The following CUX1 variants were observed in gnomAD, a reference collection of about 807,000 sequenced individuals.
CUX1 encodes the protein cut like homeobox 1.
CUX1 carries 31 observed loss-of-function variants against 158.8 expected under a neutral mutation model. The ratio of observed to expected loss-of-function variants is 0.20; its 90% confidence interval spans 0.15 to 0.26. The LOEUF is 0.26. CUX1 is among the 10% of genes least tolerant of loss of function. CUX1 has a pLI of 1.00. For synonymous variants in CUX1, 879 were observed against 862.1 expected, an observed-to-expected ratio of 1.02 and a Z score of -0.34; for missense variants, 1,589 against 2,014.6, an observed-to-expected ratio of 0.79 and a Z score of 4.04.
At chr7:102,039,660 CAAAAAAA>C (rs951801289) in intron 3 of CUX1, among the ~76,000 whole-genome samples, 1 of 90,360 alleles carries the variant, frequency 1.1e-5, no homozygotes, top group Non-Finnish European at 2.3e-5. Context: ...GTCTCTATTT[CAAAAAAA>C]AAAAAAAAAA....
intron 1 of CUX1, among the ~76,000 whole-genome samples, chr7:101,837,066 T>C (rs1794713853): frequency 6.6e-6 from 1 of 152,240 alleles, no homozygotes; most frequent in Non-Finnish European, 1.5e-5. Context: ...GCCACTATAA[T>C]GAAAATCCAG....
intron 2 of CUX1, among the ~76,000 whole-genome samples, chr7:101,992,606 G>C (rs1428815910): frequency 6.6e-6 from 1 of 152,108 alleles, no homozygotes; most frequent in Non-Finnish European, 1.5e-5. Context: ...CCAATCAGCC[G>C]TATTACCCAG....
At chr7:102,010,727 G>A (rs1340406894) in intron 2 of CUX1, among the ~76,000 whole-genome samples, 5 of 152,248 alleles carry the variant, frequency 3.3e-5, no homozygotes, top group African/African-American at 1.2e-4. Context: ...CTCAGTGAAG[G>A]AGTTCTGCCG....
Position 101,916,062 on chromosome 7 carries a change from C to G in CUX1, c.31-53C>G. 1.6e-6 allele frequency: 2 copies of G among 1,276,148 alleles called. No homozygotes were observed. The highest frequency in any genetic ancestry group is 2.3e-6 in the Non-Finnish European group (2 of 873,134). 79.1% of individuals were successfully genotyped at this position (1,276,148 alleles called of 1,614,324 possible). On this transcript the variant is annotated intron_variant, in intron 1 of 23. Transcript: ENST00000292535. This position sits in a 1 kb window ranked among gnomAD's most constrained non-coding sequence, Gnocchi z 4.4. ...GGTCAAATGCAAATAGGACCCTCCTCTAGTACACAGTGCAATTACAATCTC... is the reference window on the plus strand; with the variant it reads ...GGTCAAATGCAAATAGGACCCTCCTGTAGTACACAGTGCAATTACAATCTC...
chr7:102,234,837 C>T (rs1799378465), intron 22 of CUX1, among the ~76,000 whole-genome samples: 2 of 151,466 alleles, frequency 1.3e-5, no homozygotes, highest in Non-Finnish European at 2.9e-5. Context: ...GAGGCTGAGG[C>T]ACAAGAATCG....
chr7:102,034,465 C>A (rs1327500790), intron 3 of CUX1, among the ~76,000 whole-genome samples: 1 of 151,954 alleles, frequency 6.6e-6, no homozygotes, highest in Non-Finnish European at 1.5e-5. Flanking sequence ...ACTAAAAATA[C>A]AAAAACAGGC....
chr7:101,889,258 CAA>C (rs55853593), intron 1 of CUX1, among the ~76,000 whole-genome samples: 26,552 of 112,432 alleles, frequency 0.24, 3,105 homozygotes, highest in Non-Finnish European at 0.31. Flanking sequence ...GACCCTGTCT[CAA>C]AAAAAAAAAA....
At chr7:102,064,627 C>A (rs1173474116) in intron 3 of CUX1, among the ~76,000 whole-genome samples, 5 of 152,210 alleles carry the variant, frequency 3.3e-5, no homozygotes, top group African/African-American at 1.2e-4. Flanking sequence ...CTGTCCCTTC[C>A]TCCCTCCCTC....
intron 1 of CUX1, among the ~76,000 whole-genome samples, chr7:101,885,386 C>A (rs1359226389): frequency 6.6e-6 from 1 of 152,098 alleles, no homozygotes; most frequent in Non-Finnish European, 1.5e-5. Flanking sequence ...GAGGCAGGTC[C>A]CCTTGCAGGG....
chr7:101,883,684 C>A (rs1451547899), intron 1 of CUX1, among the ~76,000 whole-genome samples: 1 of 151,550 alleles, frequency 6.6e-6, no homozygotes, highest in Non-Finnish European at 1.5e-5. Context: ...TGATCTCCCC[C>A]TCCCAGGTTC....
chr7:102,174,084 G>C (rs1792030193), intron 10 of CUX1, among the ~76,000 whole-genome samples: 1 of 152,082 alleles, frequency 6.6e-6, no homozygotes, highest in African/African-American at 2.4e-5. Flanking sequence ...GCTGGCCCAA[G>C]TTTGCAGCCA....
intron 1 of CUX1, among the ~76,000 whole-genome samples, chr7:101,842,872 A>ATTTTTT (rs375610847): frequency 1.9e-5 from 2 of 105,772 alleles, no homozygotes; most frequent in Non-Finnish European, 1.9e-5. Flanking sequence ...AAATTATTCT[A>ATTTTTT]TTTTTTTTTT....
intron 2 of CUX1, among the ~76,000 whole-genome samples, chr7:101,967,306 C>T (rs570384686): frequency 2.4e-4 from 36 of 152,198 alleles, no homozygotes; most frequent in Non-Finnish European, 4.3e-4. Context: ...TGAGCCACCG[C>T]GCCCGGCCAG....
chr7:101,975,256 GAA>G (rs1201134721), intron 2 of CUX1, among the ~76,000 whole-genome samples: 1 of 143,226 alleles, frequency 7.0e-6, no homozygotes, highest in Non-Finnish European at 1.5e-5. Context: ...GTCTCAAAAG[GAA>G]AAAAAAAGAG....
intron 1 of CUX1, among the ~76,000 whole-genome samples, chr7:101,902,473 G>A (rs533083877): frequency 6.6e-6 from 1 of 152,306 alleles, no homozygotes; most frequent in South Asian, 2.1e-4. Context: ...CTGGAATGGA[G>A]GGAACAAATT....
chr7:101,941,100 C>T (rs541778485), intron 2 of CUX1, among the ~76,000 whole-genome samples: 1 of 152,312 alleles, frequency 6.6e-6, no homozygotes, highest in South Asian at 2.1e-4. Flanking sequence ...GGCATGTTGT[C>T]GCCAATCTGA....
chr7:101,909,557 T>C (rs1803180998), intron 1 of CUX1, among the ~76,000 whole-genome samples: 1 of 152,258 alleles, frequency 6.6e-6, no homozygotes, highest in Non-Finnish European at 1.5e-5. Context: ...ATGGCCGACC[T>C]TTCCCTTTTT....
intron 2 of CUX1, among the ~76,000 whole-genome samples, chr7:101,930,435 C>G (rs1301785269): frequency 2.6e-5 from 4 of 152,152 alleles, no homozygotes; most frequent in African/African-American, 9.7e-5. Context: ...CAATTGGATA[C>G]CAAGCCATGC....
Position 102,257,305 on chromosome 7 carries a change from C to T in CUX1, c.*8263C>T. On this transcript the variant is annotated 3_prime_UTR_variant, in exon 24 of 24. Coordinates refer to ENST00000292535, the MANE Select transcript of CUX1 (RefSeq NM_181552.4). ...ACAATGGTCCCCATCTCCCCAGAAG[C>T]CTTTTTTTTTTTCATTTTTCTCTAA... 7.1e-6 allele frequency: 7 copies of T among 979,732 alleles called. No homozygotes were observed. Among genetic ancestry groups the T allele is most frequent in the Non-Finnish European group, 8.5e-6 (7 of 827,044 alleles). 60.7% of individuals were successfully genotyped at this position (979,732 alleles called of 1,614,324 possible). A position where few individuals can be genotyped will look rare whatever the true frequency, so the allele number is the denominator to read the frequency against.
Sources: gnomAD v4.1 joint callset for allele counts (sites outside exome capture counted in the v4.1 genomes callset) on GRCh38, gnomAD v4.1.1 for gene constraint, Gnocchi (gnomAD v3.1) non-coding constraint, MANE v1.5 for transcripts, NCBI Gene and HGNC (gene_info 2026-07-23, HGNC 2026-07-21) for gene names.